Variants in ABLIM2 observed in about 807,000 individuals in gnomAD.
ABLIM2 encodes actin-binding LIM protein 2.
A neutral mutation model predicts 97.7 loss-of-function variants in ABLIM2; 53 were observed. The ratio of observed to expected loss-of-function variants is 0.54; its 90% CI spans 0.44 to 0.68. The LOEUF (loss-of-function observed/expected upper bound fraction) is 0.68. ABLIM2 is among the 30% of genes least tolerant of loss of function. ABLIM2 has a pLI of 0.00. For missense variants in ABLIM2, 835 were observed against 867.2 expected (o/e 0.96, Z 0.47); for synonymous variants, 361 against 345.8 (o/e 1.04, Z -0.49).
chr4:8,049,821 C>T (rs754193990), intron 8 of ABLIM2, among the ~76,000 whole-genome samples: 5 of 152,144 alleles, frequency 3.3e-5, no homozygotes, highest in Non-Finnish European at 4.4e-5. Flanking sequence ...CTCTGCCTCC[C>T]GTCTCAAGCG....
rs1005607783 is a variant in ABLIM2, at chr4:8,087,921, G to C, written c.454+248C>G. On this transcript the variant is annotated intron_variant, in intron 4 of 20. Coordinates refer to ENST00000447017, the MANE Select transcript of ABLIM2 (RefSeq NM_001130083.2). The surrounding 1 kb of genome is among the most constrained non-coding windows in gnomAD (Gnocchi z 4.6). ...GTTCACTGCAGCTGCTGCTGCTCTG[G>C]GTCCCCGTTTCTCAGGCTCTGTCCC... Among the ~76,000 whole-genome samples the C allele has an allele frequency of 6.6e-6, 1 of 151,764 alleles. No individual in the cohort carries two copies. The highest frequency in any genetic ancestry group is 1.5e-5 in the Non-Finnish European group (1 of 67,946).
At chr4:7,983,214 G>A (rs1740283117) in intron 20 of ABLIM2, 50 bp downstream of exon 20, 1 of 1,555,048 alleles carries the variant, frequency 6.4e-7, no homozygotes, top group Non-Finnish European at 8.7e-7. Flanking sequence ...GCATCTGCGG[G>A]GACTCTCGCA....
intron 20 of ABLIM2, among the ~76,000 whole-genome samples, chr4:7,967,800 G>A (rs144175356): frequency 2.1e-3 from 326 of 152,340 alleles, no homozygotes; most frequent in African/African-American, 7.2e-3. Context: ...GTGTAATGGG[G>A]TCCCCTAGAG....
rs574060324 is a variant in ABLIM2 at position 8,040,120 on chromosome 4, G to A, written c.901-3825C>T. The stretch of plus-strand genomic sequence containing the variant: ...GTGCACGTGAATGGCAGGGGGAGCC[G>A]GTCTCTTCCTCACGGTGAAGGAAGG... On this transcript the variant is annotated intron_variant, in intron 9 of 20. Transcript: ENST00000447017. Among the ~76,000 whole-genome samples the A allele has an allele frequency of 2.6e-5, 4 of 152,218 alleles. No individual in the cohort carries two copies. In the East Asian group the frequency reaches 5.8e-4, roughly 22 times the overall value.
In ABLIM2 at chr4:8,044,957, G is replaced by C. The variant is rs183463399; in HGVS notation, c.900+207C>G. ...GGGACAGGTTCCCAGGGGAATTGCC[G>C]GGTCAAACAAACATGTCTGTGTTTC... On this transcript the variant is annotated intron_variant, in intron 9 of 20. Transcript: ENST00000447017. The surrounding 1 kb of genome is among the most constrained non-coding windows in gnomAD (Gnocchi z 4.4). Among the ~76,000 whole-genome samples, 1 of 152,156 alleles carries C rather than the reference G, an allele frequency of 6.6e-6. No homozygotes were observed. Among genetic ancestry groups the C allele is most frequent in the Non-Finnish European group, 1.5e-5 (1 of 68,034 alleles).
chr4:8,126,087 G>T (rs1483326436), intron 1 of ABLIM2, among the ~76,000 whole-genome samples: 1 of 152,174 alleles, frequency 6.6e-6, no homozygotes, highest in East Asian at 1.9e-4. Context: ...TGGACTCCAG[G>T]GCCACTGTCA....
chr4:8,084,687 T>G (rs1822184771), intron 4 of ABLIM2, among the ~76,000 whole-genome samples: 1 of 152,200 alleles, frequency 6.6e-6, no homozygotes, highest in Non-Finnish European at 1.5e-5. Flanking sequence ...GCCCAAGAAG[T>G]GGCTGTGGGG....
In ABLIM2 at chr4:8,130,226, A is replaced by T. The variant is rs1031322482; in HGVS notation, c.11-23589T>A. 1.3e-5 allele frequency among the ~76,000 whole-genome samples: 2 copies of T among 152,224 alleles called. No individual in the cohort carries two copies. The highest frequency in any genetic ancestry group is 2.9e-5 in the Non-Finnish European group (2 of 68,036). On this transcript the variant is annotated intron_variant, in intron 1 of 20. Transcript: ENST00000447017. The surrounding 1 kb of genome is among the most constrained non-coding windows in gnomAD (Gnocchi z 4.2). ...CTCACAGGGCCAGGGATGGAGACGC[A>T]GGGTGGCCAGGGTGGTGCTGGATGG...
intron 15 of ABLIM2, among the ~76,000 whole-genome samples, chr4:8,008,448 C>A (rs1762776592): frequency 6.6e-6 from 1 of 152,246 alleles, no homozygotes; most frequent in Non-Finnish European, 1.5e-5. Flanking sequence ...GACACAGCCA[C>A]TGAGGCTCTG....
Position 8,008,161 on chromosome 4 carries a change from T to G in ABLIM2, c.1516A>C (p.Thr506Pro). The G allele has an allele frequency of 6.2e-7, 1 of 1,614,042 alleles. No homozygotes were observed. The highest frequency in any genetic ancestry group is 1.1e-5 in the South Asian group (1 of 91,084). The change falls in exon 16 of 21, where the codon ACA (threonine) becomes CCA (proline). Residue 506 changes from threonine (T) to proline (P), a missense_variant. Thr to Pro is a conservative substitution (Grantham distance 38). Coordinates refer to ENST00000447017, the MANE Select transcript of ABLIM2 (RefSeq NM_001130083.2). ...TCCAGGTCTGGAGAATTGGTCCTTG[T>G]GTCTGCATCCCCCTTGAGCATCAGC... The part of the protein sequence containing the change: ...SWLMLKGDAD[T>P]RTNSPDLDTQ...
intron 16 of ABLIM2, among the ~76,000 whole-genome samples, chr4:7,997,649 C>T (rs939240576): frequency 1.8e-4 from 27 of 152,126 alleles, no homozygotes; most frequent in African/African-American, 6.3e-4. Flanking sequence ...TCAAAAGTAT[C>T]TGCAATTGCG....
At position 7,984,718 on chromosome 4, in the gene ABLIM2, C is replaced by T. The variant is rs111747367; in HGVS notation, c.1735+121G>A. On this transcript the variant is annotated intron_variant, in intron 18 of 20. Transcript: ENST00000447017. ...AGCACGCCCTCCCCCGAGGTGTCCC[C>T]GCCCGGCACTCCCGGAGCCTTCTGC... 45 of 1,123,786 alleles carry T rather than the reference C, an allele frequency of 4.0e-5. 1 individual carries two copies. Among genetic ancestry groups the T allele is most frequent in the African/African-American group, 3.4e-4 (22 of 64,116 alleles). 69.6% of individuals were successfully genotyped at this position (1,123,786 alleles called of 1,614,324 possible). A position where few individuals can be genotyped will look rare whatever the true frequency, so the allele number is the denominator to read the frequency against.
At chr4:7,974,523 C>G (rs1440929981) in intron 20 of ABLIM2, among the ~76,000 whole-genome samples, 1 of 150,340 alleles carries the variant, frequency 6.7e-6, no homozygotes, top group Non-Finnish European at 1.5e-5. Flanking sequence ...ATCTGTCCAC[C>G]CATGCATTAA....
In ABLIM2 at chr4:8,083,680, C is replaced by A. The variant is rs773883496; in HGVS notation, c.455-2878G>T. Among the ~76,000 whole-genome samples, 2 of 152,236 alleles carry A rather than the reference C, an allele frequency of 1.3e-5. No homozygotes were observed. Among genetic ancestry groups the A allele is most frequent in the Non-Finnish European group, 2.9e-5 (2 of 68,046 alleles). ...GCTCCACATTGCTTTGCGGGCTCTG[C>A]GCATGGCAGCTCAGAGTCCTGTGTG... On this transcript the variant is annotated intron_variant, in intron 4 of 20. Coordinates refer to ENST00000447017, the MANE Select transcript of ABLIM2 (RefSeq NM_001130083.2). The surrounding 1 kb of genome is among the most constrained non-coding windows in gnomAD (Gnocchi z 4.6).
At chr4:8,152,503 C>T (rs546765862) in intron 1 of ABLIM2, among the ~76,000 whole-genome samples, 11 of 152,378 alleles carry the variant, frequency 7.2e-5, no homozygotes, top group African/African-American at 2.4e-4. Context: ...GACATTTAAG[C>T]CTGTCCCACC....
chr4:7,974,912 A>G (rs936435748), intron 20 of ABLIM2, among the ~76,000 whole-genome samples: 2 of 152,194 alleles, frequency 1.3e-5, no homozygotes, highest in African/African-American at 4.8e-5. Context: ...GGGGACACCT[A>G]AGACAGGTTA....
At position 8,019,916 on chromosome 4, in the gene ABLIM2, G is replaced by A. The variant is rs1403865734; in HGVS notation, c.1370-245C>T. On this transcript the variant is annotated intron_variant, in intron 13 of 20. Transcript: ENST00000447017. This position sits in a 1 kb window ranked among gnomAD's most constrained non-coding sequence, Gnocchi z 4.3. ...GGAACCTTGTGGTCCCCCGGGAAGTGTAGCCAGCTCAGACAGCCCTTTTCC... is the reference window on the plus strand; with the variant it reads ...GGAACCTTGTGGTCCCCCGGGAAGTATAGCCAGCTCAGACAGCCCTTTTCC... Among the ~76,000 whole-genome samples the A allele has an allele frequency of 2.6e-5, 4 of 152,208 alleles. No homozygotes were observed. The highest frequency in any genetic ancestry group is 2.1e-4 in the South Asian group (1 of 4,832).
chr4:8,070,037 TTGTG>T lies in ABLIM2; in HGVS notation c.675+7587_675+7590del, dbSNP rs568024240. On this transcript the variant is annotated intron_variant, in intron 6 of 20. Coordinates refer to ENST00000447017, the MANE Select transcript of ABLIM2 (RefSeq NM_001130083.2). ...GTGTGTTTGTGTGTGTCTATGTGCTTTGTGTGTGTATGTATCTGTGTATCTGAGT... is the reference window on the plus strand; with the variant it reads ...GTGTGTTTGTGTGTGTCTATGTGCTTTGTGTATGTATCTGTGTATCTGAGT... 5.0e-4 allele frequency among the ~76,000 whole-genome samples: 76 copies of T among 152,164 alleles called. No homozygotes were observed. In the East Asian group the frequency reaches 7.3e-3, roughly 15 times the overall value.
chr4:8,070,506 G>T (rs1300899668), intron 6 of ABLIM2, among the ~76,000 whole-genome samples: 1 of 152,120 alleles, frequency 6.6e-6, no homozygotes, highest in African/African-American at 2.4e-5. Flanking sequence ...TGGAAACACG[G>T]TTTGTTTTCT....
Sources: allele counts gnomAD v4.1 joint callset (sites outside exome capture counted in the v4.1 genomes callset), GRCh38; gene constraint gnomAD v4.1.1; non-coding constraint Gnocchi (gnomAD v3.1); transcripts MANE v1.5; gene names NCBI Gene and HGNC (gene_info 2026-07-23, HGNC 2026-07-21).